PPP1R1C: variants seen among roughly 807,000 people sequenced by gnomAD.
PPP1R1C encodes protein phosphatase 1 regulatory subunit 1C.
PPP1R1C carries 15 observed loss-of-function variants against 17.4 expected under a neutral mutation model. That is an observed-to-expected ratio of 0.86 (90% confidence interval 0.58 to 1.33). The LOEUF (loss-of-function observed/expected upper bound fraction) is 1.33. PPP1R1C is among the 40% of genes most tolerant of loss of function. PPP1R1C has a pLI of 0.00. For synonymous variants in PPP1R1C, 35 were observed against 43.1 expected, an observed-to-expected ratio of 0.81 and a Z score of 0.73; for missense variants, 143 against 130.0, an observed-to-expected ratio of 1.10 and a Z score of -0.48.
intron 4 of PPP1R1C, among the ~76,000 whole-genome samples, chr2:182,066,296 A>G (rs565079516): frequency 6.6e-6 from 1 of 152,272 alleles, no homozygotes; most frequent in East Asian, 1.9e-4. Context: ...CCTATGTTGG[A>G]GACAGATTGT....
intron 2 of PPP1R1C, among the ~76,000 whole-genome samples, chr2:182,054,604 T>G (rs967348934): frequency 3.3e-5 from 5 of 152,010 alleles, no homozygotes; most frequent in Admixed American, 6.6e-5. Context: ...CCCTTGTGTA[T>G]AGTTAGATTA....
At chr2:182,067,517 C>A (rs1471397888) in intron 4 of PPP1R1C, among the ~76,000 whole-genome samples, 1 of 152,068 alleles carries the variant, frequency 6.6e-6, no homozygotes, top group Non-Finnish European at 1.5e-5. Flanking sequence ...GAAACATGAT[C>A]TTCCAATCAG....
chr2:182,067,672 A>G (rs1688025327), intron 4 of PPP1R1C, among the ~76,000 whole-genome samples: 1 of 152,172 alleles, frequency 6.6e-6, no homozygotes, highest in South Asian at 2.1e-4. Context: ...TTCACCCCAC[A>G]AAACAACAAC....
chr2:182,066,421 C>T (rs1404807323), intron 4 of PPP1R1C, among the ~76,000 whole-genome samples: 2 of 151,968 alleles, frequency 1.3e-5, no homozygotes, highest in Non-Finnish European at 2.9e-5. Flanking sequence ...TTATCTGATC[C>T]ATAACAAATG....
At chr2:182,123,569 A>G (rs1689790540) in intron 5 of PPP1R1C, among the ~76,000 whole-genome samples, 1 of 152,206 alleles carries the variant, frequency 6.6e-6, no homozygotes, top group South Asian at 2.1e-4. Flanking sequence ...ATGTTATCTC[A>G]TGGTGGTTTT....
intron 4 of PPP1R1C, among the ~76,000 whole-genome samples, chr2:182,110,897 G>A (rs1689397875): frequency 6.6e-6 from 1 of 151,980 alleles, no homozygotes; most frequent in South Asian, 2.1e-4. Context: ...AAATTCATGG[G>A]GAATGCATTA....
At chr2:182,010,515 T>A (rs138608412) in intron 2 of PPP1R1C, among the ~76,000 whole-genome samples, 1,976 of 152,170 alleles carry the variant, frequency 0.013, 19 homozygotes, top group South Asian at 0.035. Context: ...GTTATACTAG[T>A]TTTTTGGTGG....
In PPP1R1C at chr2:182,061,492, A is replaced by G; in HGVS notation, c.180+13A>G. ...CACACAAGGGGAAGTAAGTTTTTAA[A>G]AATATTTTGTATAAATGTGTTCAAA... is the stretch of plus-strand genomic sequence containing the variant. On this transcript the variant is annotated intron_variant, in intron 3 of 4. Transcript: ENST00000682840. 1.4e-6 allele frequency: 2 copies of G among 1,455,474 alleles called. No homozygotes were observed. The highest frequency in any genetic ancestry group is 1.8e-6 in the Non-Finnish European group (2 of 1,103,608). The allele number at this position is 1,455,474 out of a possible 1,614,324, so 90.2% of individuals were successfully genotyped here. A position where few individuals can be genotyped will look rare whatever the true frequency, so the allele number is the denominator to read the frequency against.
intron 2 of PPP1R1C, among the ~76,000 whole-genome samples, chr2:182,002,648 C>A (rs1020143871): frequency 6.6e-6 from 1 of 151,954 alleles, no homozygotes; most frequent in African/African-American, 2.4e-5. Context: ...AAGACTAATG[C>A]ACCAAAATGA....
chr2:181,997,834 T>C (rs984405673), intron 2 of PPP1R1C, among the ~76,000 whole-genome samples: 4 of 152,216 alleles, frequency 2.6e-5, no homozygotes, highest in African/African-American at 4.8e-5. Flanking sequence ...TTTTCAACTA[T>C]TGACTTCAGC....
chr2:181,989,120 T>C (rs1287096684), intron 2 of PPP1R1C, among the ~76,000 whole-genome samples: 4 of 152,212 alleles, frequency 2.6e-5, no homozygotes, highest in Admixed American at 6.5e-5. Context: ...GCCTTGCTCA[T>C]GGTAGCAAAC....
intron 4 of PPP1R1C, among the ~76,000 whole-genome samples, chr2:182,086,129 G>T (rs946558716): frequency 1.3e-5 from 2 of 151,990 alleles, no homozygotes; most frequent in African/African-American, 4.8e-5. Flanking sequence ...TATTGCAATA[G>T]CTAAAACATT....
chr2:182,100,733 T>A lies in PPP1R1C; in HGVS notation c.242-16474T>A, dbSNP rs1476621296. Among the ~76,000 whole-genome samples, 3 of 152,290 alleles carry A rather than the reference T, an allele frequency of 2.0e-5. No individual in the cohort carries two copies. In the East Asian group the frequency reaches 5.8e-4, roughly 29 times the overall value. On this transcript the variant is annotated intron_variant, in intron 4 of 4. Coordinates refer to ENST00000682840, the MANE Select transcript of PPP1R1C (RefSeq NM_001080545.3). Reference sequence around the variant, plus strand: ...ATTCCCTTTGTTCCCTTTGTTCGCCTGTCTACTTCAGCCTCCACACCAGCT... The same window carrying A: ...ATTCCCTTTGTTCCCTTTGTTCGCCAGTCTACTTCAGCCTCCACACCAGCT...
At chr2:182,056,267 G>T (rs1387283354) in intron 2 of PPP1R1C, among the ~76,000 whole-genome samples, 1 of 152,212 alleles carries the variant, frequency 6.6e-6, no homozygotes, top group Non-Finnish European at 1.5e-5. Context: ...AGAAGTTCTA[G>T]TTGCCTCAGT....
In PPP1R1C at chr2:182,036,038, G is replaced by A. The variant is rs573309227; in HGVS notation, c.143-25404G>A. ...TTGCTTTTCCACATACAGGGATTGTGACTGAGCAGCAGAAGAGAAAACGGG... is the reference window on the plus strand; with the variant it reads ...TTGCTTTTCCACATACAGGGATTGTAACTGAGCAGCAGAAGAGAAAACGGG... On this transcript the variant is annotated intron_variant, in intron 2 of 4. Coordinates refer to ENST00000682840, the MANE Select transcript of PPP1R1C (RefSeq NM_001080545.3). Among the ~76,000 whole-genome samples, 6 of 152,196 alleles carry A rather than the reference G, an allele frequency of 3.9e-5. No individual in the cohort carries two copies. The East Asian group carries it at 1.2e-3, about 29-fold the overall frequency.
chr2:182,061,496 A>G lies in PPP1R1C; in HGVS notation c.180+17A>G, dbSNP rs1559076932. ...CAAGGGGAAGTAAGTTTTTAAAAATATTTTGTATAAATGTGTTCAAATCAA... is the reference window on the plus strand; with the variant it reads ...CAAGGGGAAGTAAGTTTTTAAAAATGTTTTGTATAAATGTGTTCAAATCAA... On this transcript the variant is annotated intron_variant, in intron 3 of 4. Transcript: ENST00000682840. 5 of 1,447,420 alleles carry G rather than the reference A, an allele frequency of 3.5e-6. No homozygotes were observed. Among genetic ancestry groups the G allele is most frequent in the Middle Eastern group, 1.9e-4 (1 of 5,336 alleles). 89.7% of individuals were successfully genotyped at this position (1,447,420 alleles called of 1,614,324 possible).
intron 2 of PPP1R1C, among the ~76,000 whole-genome samples, chr2:182,043,766 G>T (rs1687257143): frequency 6.6e-6 from 1 of 152,128 alleles, no homozygotes; most frequent in Admixed American, 6.5e-5. Context: ...ACTCAGAGTT[G>T]CTACCTTGGC....
At chr2:182,058,102 C>G (rs1219487303) in intron 2 of PPP1R1C, among the ~76,000 whole-genome samples, 1 of 151,922 alleles carries the variant, frequency 6.6e-6, no homozygotes, top group Non-Finnish European at 1.5e-5. Context: ...AACTGAAACC[C>G]ATAGTTTATT....
At chr2:182,122,164 C>T (rs1278783513), downstream of PPP1R1C, among the ~76,000 whole-genome samples, 5 of 151,858 alleles carry the variant, frequency 3.3e-5, no homozygotes, top group South Asian at 2.1e-4. Flanking sequence ...TTCTATTGGA[C>T]GATAATTTTG....
Sources: allele counts gnomAD v4.1 joint callset (sites outside exome capture counted in the v4.1 genomes callset), GRCh38; gene constraint gnomAD v4.1.1; transcripts MANE v1.5; gene names NCBI Gene and HGNC (gene_info 2026-07-23, HGNC 2026-07-21).